GUCY1A2: variants seen among roughly 807,000 people sequenced by gnomAD.
GUCY1A2 encodes guanylate cyclase soluble subunit alpha-2.
In GUCY1A2, 27 loss-of-function variants were observed where a neutral mutation model predicts 63.5. The observed-to-expected ratio is 0.43, with a 90% confidence interval of 0.31 to 0.59. The LOEUF (loss-of-function observed/expected upper bound fraction) is 0.59, where lower values mean the gene tolerates loss of function less well. GUCY1A2 is among the 20% of genes least tolerant of loss of function. The pLI is 0.11. For synonymous variants in GUCY1A2, 364 were observed against 343.5 expected (o/e 1.06, Z -0.66); for missense variants, 768 against 913.3 (o/e 0.84, Z 2.05).
intron 4 of GUCY1A2, among the ~76,000 whole-genome samples, chr11:106,895,483 C>T (rs1860034447): frequency 6.6e-6 from 1 of 152,056 alleles, no homozygotes; most frequent in Non-Finnish European, 1.5e-5. Flanking sequence ...ATCATGGGGG[C>T]AGGTTTTTTC....
At chr11:107,014,153 A>G (rs1265036532) in intron 1 of GUCY1A2, among the ~76,000 whole-genome samples, 2 of 134,490 alleles carry the variant, frequency 1.5e-5, no homozygotes, top group Admixed American at 9.1e-5. Context: ...CAGTGGCGCA[A>G]TCTCGGCTCA....
chr11:107,014,079 C>CTTTTT (rs71044206), intron 1 of GUCY1A2, among the ~76,000 whole-genome samples: 7 of 70,020 alleles, frequency 1.0e-4, no homozygotes, highest in Non-Finnish European at 1.3e-4. Context: ...CCATGTTTTC[C>CTTTTT]TTTTTTTTTT....
chr11:106,739,933 G>A (rs1393938688), intron 6 of GUCY1A2, among the ~76,000 whole-genome samples: 2 of 151,152 alleles, frequency 1.3e-5, no homozygotes, highest in East Asian at 3.9e-4. Flanking sequence ...CTAGCAGCAC[G>A]ACTGACATAG....
chr11:106,948,774 G>C (rs1860864418), intron 3 of GUCY1A2, among the ~76,000 whole-genome samples: 2 of 152,112 alleles, frequency 1.3e-5, no homozygotes, highest in African/African-American at 4.8e-5. Flanking sequence ...ATATACCACA[G>C]AACAGTATTT....
At chr11:106,954,492 A>T (rs894331378) in intron 3 of GUCY1A2, among the ~76,000 whole-genome samples, 2 of 152,178 alleles carry the variant, frequency 1.3e-5, no homozygotes, top group African/African-American at 2.4e-5. Context: ...CTGTTGATCT[A>T]GGGTAGAGAG....
chr11:106,751,200 T>C (rs1171830238), intron 6 of GUCY1A2, among the ~76,000 whole-genome samples: 5 of 152,038 alleles, frequency 3.3e-5, no homozygotes, highest in East Asian at 3.9e-4. Flanking sequence ...AGGGCAGAAA[T>C]AGCTAATTAT....
At chr11:106,915,481 A>C (rs945139157) in intron 4 of GUCY1A2, among the ~76,000 whole-genome samples, 1 of 152,150 alleles carries the variant, frequency 6.6e-6, no homozygotes, top group African/African-American at 2.4e-5. Context: ...ACGACAACAC[A>C]TGTAAAAGTG....
At chr11:106,756,839 C>T (rs534850189) in intron 6 of GUCY1A2, among the ~76,000 whole-genome samples, 24 of 152,120 alleles carry the variant, frequency 1.6e-4, no homozygotes, top group Non-Finnish European at 1.9e-4. Flanking sequence ...GGTTGCTCTT[C>T]TCGAGGAATA....
intron 6 of GUCY1A2, among the ~76,000 whole-genome samples, chr11:106,740,607 T>G (rs1863676346): frequency 6.6e-6 from 1 of 150,648 alleles, no homozygotes. Flanking sequence ...TTAGAAATGT[T>G]TACTCACTCT....
intron 6 of GUCY1A2, among the ~76,000 whole-genome samples, chr11:106,775,501 G>T (rs1475662895): frequency 4.7e-5 from 7 of 149,796 alleles, no homozygotes; most frequent in African/African-American, 1.7e-4. Flanking sequence ...ATCTACACAC[G>T]TAGTGTAATT....
intron 6 of GUCY1A2, among the ~76,000 whole-genome samples, chr11:106,728,546 G>A (rs759187618): frequency 2.3e-4 from 35 of 152,132 alleles, no homozygotes; most frequent in Non-Finnish European, 3.5e-4. Context: ...CAAGCCATGT[G>A]GATGTGCAGA....
At chr11:106,850,260 G>A (rs538580874) in intron 4 of GUCY1A2, among the ~76,000 whole-genome samples, 2 of 151,724 alleles carry the variant, frequency 1.3e-5, no homozygotes, top group Admixed American at 6.6e-5. Flanking sequence ...AACGTAGAAT[G>A]GTATTTCAAT....
At chr11:106,935,784 T>C (rs1283820472) in intron 4 of GUCY1A2, among the ~76,000 whole-genome samples, 1 of 150,956 alleles carries the variant, frequency 6.6e-6, no homozygotes, top group Non-Finnish European at 1.5e-5. Context: ...GAGGTGGAGG[T>C]TGCGGTAACC....
chr11:106,951,805 T>C (rs895312863), intron 3 of GUCY1A2, among the ~76,000 whole-genome samples: 9 of 152,214 alleles, frequency 5.9e-5, no homozygotes, highest in African/African-American at 2.2e-4. Context: ...TCATGAAGTC[T>C]TTGCCCATGC....
rs578253278 is a variant in GUCY1A2 at position 106,953,204 on chromosome 11, A to C, written c.488-13026T>G. Among the ~76,000 whole-genome samples, 6 of 152,272 alleles carry C rather than the reference A, an allele frequency of 3.9e-5. No homozygotes were observed. The South Asian group carries it at 1.2e-3, about 32-fold the overall frequency. ...TCTTATTTTGAGATATGTTCCATCA[A>C]TACCTAGTTTATTGAGAGTTAACAT... On this transcript the variant is annotated intron_variant, in intron 3 of 7. Coordinates refer to ENST00000526355, the MANE Select transcript of GUCY1A2 (RefSeq NM_000855.3).
intron 1 of GUCY1A2, among the ~76,000 whole-genome samples, chr11:107,013,968 C>T (rs1861783584): frequency 6.7e-6 from 1 of 150,298 alleles, no homozygotes. Context: ...ATAGATACTA[C>T]AATATTTTTT....
intron 6 of GUCY1A2, among the ~76,000 whole-genome samples, chr11:106,764,802 T>C (rs1046238925): frequency 6.6e-6 from 1 of 152,030 alleles, no homozygotes; most frequent in African/African-American, 2.4e-5. Context: ...TTTCCTATAC[T>C]GAAAAAAAGC....
intron 5 of GUCY1A2, among the ~76,000 whole-genome samples, chr11:106,782,939 G>C (rs1864491487): frequency 6.6e-6 from 1 of 152,108 alleles, no homozygotes; most frequent in South Asian, 2.1e-4. Flanking sequence ...TACTCAGTAG[G>C]GTGGCTGAAG....
At chr11:106,973,133 G>T (rs1272649889) in intron 3 of GUCY1A2, among the ~76,000 whole-genome samples, 1 of 152,074 alleles carries the variant, frequency 6.6e-6, no homozygotes, top group Non-Finnish European at 1.5e-5. Context: ...ACTACCTAAA[G>T]TCTCTGTTTA....
Sources: gnomAD v4.1 joint callset for allele counts (sites outside exome capture counted in the v4.1 genomes callset) on GRCh38, gnomAD v4.1.1 for gene constraint, MANE v1.5 for transcripts, NCBI Gene and HGNC (gene_info 2026-07-23, HGNC 2026-07-21) for gene names.